Variants in CYP4B1 observed in about 807,000 individuals in gnomAD.
The protein encoded by CYP4B1 is cytochrome P450 family 4 subfamily B member 1.
In CYP4B1, 45 loss-of-function variants were observed where a neutral mutation model predicts 54.0. The ratio of observed to expected loss-of-function variants is 0.83; its 90% CI spans 0.66 to 1.07. CYP4B1 has a LOEUF of 1.07. Among genes scored for constraint, CYP4B1 ranks in the 50% least tolerant of loss-of-function variants. The probability of loss-of-function intolerance (pLI) is 0.00; values close to 1 mark genes in which losing one functional copy is unlikely to be tolerated. For missense variants in CYP4B1, 656 were observed against 655.4 expected, an observed-to-expected ratio of 1.00 and a Z score of -0.01; for synonymous variants, 248 against 247.5, an observed-to-expected ratio of 1.00 and a Z score of -0.02.
intron 7 of CYP4B1, chr1:46,814,701 T>A (rs45624338): frequency 0.019 from 6,679 of 343,238 alleles, 399 homozygotes; most frequent in African/African-American, 0.13. Context: ...CGTGCTAGGA[T>A]GCAGAGATGG....
At chr1:46,805,877 G>A (rs1413783789) in intron 1 of CYP4B1, among the ~76,000 whole-genome samples, 1 of 152,150 alleles carries the variant, frequency 6.6e-6, no homozygotes, top group African/African-American at 2.4e-5. Flanking sequence ...CCCATAGTAG[G>A]GAGACAGCTG....
chr1:46,800,073 A>C (rs966785253), intron 1 of CYP4B1, among the ~76,000 whole-genome samples: 38 of 152,172 alleles, frequency 2.5e-4, no homozygotes, highest in African/African-American at 9.2e-4. Flanking sequence ...TTTGATCTGC[A>C]GCCAGCTTGG....
chr1:46,816,281 G>A (rs1679329587), intron 8 of CYP4B1, among the ~76,000 whole-genome samples: 1 of 152,112 alleles, frequency 6.6e-6, no homozygotes, highest in Admixed American at 6.6e-5. Flanking sequence ...GAAGGAGTGA[G>A]GCTTGAACTG....
intron 9 of CYP4B1, chr1:46,817,400 T>G: frequency 3.4e-6 from 2 of 591,062 alleles, no homozygotes; most frequent in Non-Finnish European, 3.0e-6. Flanking sequence ...AGAGTATCTA[T>G]GTTTCTAGGC....
chr1:46,814,197 CT>C lies in CYP4B1; in HGVS notation c.776-8del, dbSNP rs1557499850. ...GCTTCCCAGGCAGTGACACTCTGTG[CT>C]TTTGGTTCAGACCAGGTCATCAGGG... On this transcript the variant is annotated splice_polypyrimidine_tract_variant and intron_variant, in intron 6 of 11. Coordinates refer to ENST00000371923, the MANE Select transcript of CYP4B1 (RefSeq NM_001099772.2). 1.9e-6 allele frequency: 3 copies of C among 1,613,700 alleles called. No individual in the cohort carries two copies. Among genetic ancestry groups the C allele is most frequent in the Non-Finnish European group, 2.5e-6 (3 of 1,179,664 alleles).
At chr1:46,799,437 C>G (rs1342051795) in intron 1 of CYP4B1, among the ~76,000 whole-genome samples, 176 bp downstream of exon 1, 1 of 152,196 alleles carries the variant, frequency 6.6e-6, no homozygotes, top group African/African-American at 2.4e-5. Context: ...TTCACTCCAG[C>G]CTTTCAAGCT....
intron 1 of CYP4B1, among the ~76,000 whole-genome samples, chr1:46,805,217 T>C (rs893633607): frequency 3.9e-5 from 6 of 152,200 alleles, no homozygotes; most frequent in African/African-American, 1.4e-4. Flanking sequence ...CTTCCTGCCT[T>C]TTTAGCTGTT....
rs1557482959 is a variant in CYP4B1 at position 46,799,254 on chromosome 1, C to A, written c.173C>A (p.Ala58Asp). The change falls in exon 1 of 12, where the codon GCC (alanine) becomes GAC (aspartate). Residue 58 changes from alanine to aspartate, a missense_variant. Ala to Asp is a moderately radical substitution (Grantham distance 126). Transcript: ENST00000371923. ...GPPTHWLFGH[A>D]LEIQETGSLD... ...CCCACCCACTGGCTTTTTGGACATG[C>A]CCTCGAGGTATGTGGAGGTCGGGAG... 3 of 1,589,598 alleles carry A rather than the reference C, an allele frequency of 1.9e-6. No individual in the cohort carries two copies. The highest frequency in any genetic ancestry group is 2.6e-6 in the Non-Finnish European group (3 of 1,167,582).
rs1678585074 is a variant in CYP4B1 at position 46,800,243 on chromosome 1, TTCCTTCCTTCCTTCCTTCC to T, written c.180+984_180+1002del. ...TTTCTCTCTTTCTTTCTTTCTTTCC[TTCCTTCCTTCCTTCCTTCC>T]TTCCTTCCTTCCTTCCTTCCTTCCT... is the stretch of plus-strand genomic sequence containing the variant. On this transcript the variant is annotated intron_variant, in intron 1 of 11. Coordinates refer to ENST00000371923, the MANE Select transcript of CYP4B1 (RefSeq NM_001099772.2). 5.2e-3 allele frequency among the ~76,000 whole-genome samples: 83 copies of T among 15,822 alleles called. 13 individuals are homozygous for T. Among genetic ancestry groups the T allele is most frequent in the Middle Eastern group, 0.033 (1 of 30 alleles). The allele number at this position is 15,822 out of a possible 152,430, so 10.4% of individuals were successfully genotyped here.
In CYP4B1 at chr1:46,811,145, A is replaced by G. The variant is rs766488561; in HGVS notation, c.328A>G (p.Lys110Glu). The G allele has an allele frequency of 1.2e-6, 2 of 1,614,084 alleles. No homozygotes were observed. Among genetic ancestry groups the G allele is most frequent in the South Asian group, 1.1e-5 (1 of 91,070 alleles). ...AKAVYSRGDP[K>E]APDVYDFFLQ... Reference sequence around the variant, plus strand: ...CTGATTGTCTCCTCCTGCAGACCCTAAGGCCCCTGATGTGTATGACTTCTT... The same window carrying G: ...CTGATTGTCTCCTCCTGCAGACCCTGAGGCCCCTGATGTGTATGACTTCTT... The change falls in exon 3 of 12, where the codon AAG (lysine) becomes GAG (glutamate). Residue 110 changes from lysine to glutamate, a missense_variant. By Grantham distance (56) the Lys-to-Glu change is moderately conservative. Transcript: ENST00000371923.
chr1:46,800,307 T>G (rs2148392699), intron 1 of CYP4B1, among the ~76,000 whole-genome samples: 1 of 139,994 alleles, frequency 7.1e-6, no homozygotes, highest in East Asian at 2.1e-4. Context: ...CCTTCTTTCC[T>G]TCCTTCTCTT....
At chr1:46,813,200 A>C (rs189178310) in intron 4 of CYP4B1, among the ~76,000 whole-genome samples, 1 of 151,898 alleles carries the variant, frequency 6.6e-6, no homozygotes, top group African/African-American at 2.4e-5. Flanking sequence ...CAGCCATCCT[A>C]CTCCCTTATA....
intron 8 of CYP4B1, 124 bp downstream of exon 8, chr1:46,815,388 A>T: frequency 1.2e-6 from 1 of 855,034 alleles, no homozygotes; most frequent in Non-Finnish European, 1.7e-6. Flanking sequence ...CCCCAGTGTC[A>T]TACCTTTTGT....
At position 46,814,201 on chromosome 1, in the gene CYP4B1, T is replaced by C. The variant is rs1447913816; in HGVS notation, c.776-8T>C. ...CCCAGGCAGTGACACTCTGTGCTTT[T>C]GGTTCAGACCAGGTCATCAGGGAGC... On this transcript the variant is annotated splice_polypyrimidine_tract_variant and splice_region_variant and intron_variant, in intron 6 of 11. Coordinates refer to ENST00000371923, the MANE Select transcript of CYP4B1 (RefSeq NM_001099772.2). The C allele has an allele frequency of 1.9e-6, 3 of 1,613,918 alleles. No individual in the cohort carries two copies. Among genetic ancestry groups the C allele is most frequent in the Admixed American group, 3.3e-5 (2 of 60,008 alleles).
Position 46,817,966 on chromosome 1 carries a change from A to C in CYP4B1, c.1209A>C (p.Gly403=), listed in dbSNP as rs755136107. 162 of 1,613,982 alleles carry C rather than the reference A, an allele frequency of 1.0e-4. No individual in the cohort carries two copies. The highest frequency in any genetic ancestry group is 1.3e-4 in the Non-Finnish European group (151 of 1,179,994). The change falls in exon 10 of 12, where the codon GGA becomes GGC. Residue 403 remains glycine, a splice_region_variant and synonymous_variant. Transcript: ENST00000371923. The stretch of plus-strand genomic sequence containing the variant: ...CACCAACCTCTGTTCTGCCCACAGG[A>C]AGCCTGATCTCTATGCATATCTATG... The part of the protein sequence containing the change: ...TFVDGRSLPA[G]SLISMHIYAL...
intron 4 of CYP4B1, 145 bp from the exon 5 acceptor site, chr1:46,813,337 G>A: frequency 3.2e-6 from 3 of 940,810 alleles, no homozygotes; most frequent in Non-Finnish European, 4.8e-6. Flanking sequence ...CCAGCAGGAT[G>A]GAGGGCAGGA....
intron 3 of CYP4B1, 67 bp from the exon 4 acceptor site, chr1:46,812,429 G>A: frequency 6.5e-7 from 1 of 1,544,226 alleles, no homozygotes; most frequent in South Asian, 1.2e-5. Flanking sequence ...AGTCGTGTAG[G>A]ATGTGCTTAG....
At chr1:46,806,816 A>G (rs1023505616) in intron 1 of CYP4B1, 4 of 152,204 alleles carry the variant, frequency 2.6e-5, no homozygotes, top group Non-Finnish European at 5.9e-5. Context: ...CCTTCTGGAG[A>G]AAAAACAAGC....
At chr1:46,808,678 AT>A (rs1186513465) in intron 1 of CYP4B1, among the ~76,000 whole-genome samples, 1 of 151,142 alleles carries the variant, frequency 6.6e-6, no homozygotes, top group Non-Finnish European at 1.5e-5. Flanking sequence ...ACGTATGTTT[AT>A]TGCGGCATTA....
Sources: allele counts gnomAD v4.1 joint callset (sites outside exome capture counted in the v4.1 genomes callset), GRCh38; gene constraint gnomAD v4.1.1; transcripts MANE v1.5; gene names NCBI Gene and HGNC (gene_info 2026-07-23, HGNC 2026-07-21).